The following ATP9A variants were observed in gnomAD, a reference collection of about 807,000 sequenced individuals.
ATP9A encodes the protein ATPase phospholipid transporting 9A.
Under a neutral mutation model 144.1 loss-of-function variants are expected in ATP9A, and 52 were observed. The ratio of observed to expected loss-of-function variants is 0.36; its 90% confidence interval spans 0.29 to 0.45. The LOEUF (loss-of-function observed/expected upper bound fraction) is 0.45. ATP9A is among the 20% of genes least tolerant of loss of function. ATP9A has a pLI of 1.00. For missense variants in ATP9A, 947 were observed against 1,392.7 expected, an observed-to-expected ratio of 0.68 and a Z score of 5.09; for synonymous variants, 582 against 557.4, an observed-to-expected ratio of 1.04 and a Z score of -0.62.
chr20:51,685,945 A>G (rs1231657081), intron 9 of ATP9A, among the ~76,000 whole-genome samples: 1 of 152,240 alleles, frequency 6.6e-6, no homozygotes, highest in Non-Finnish European at 1.5e-5. Flanking sequence ...TATTCACAAT[A>G]GCAAAGACTT....
intron 11 of ATP9A, among the ~76,000 whole-genome samples, chr20:51,673,089 C>A (rs1040664738): frequency 2.0e-5 from 3 of 151,976 alleles, no homozygotes; most frequent in Non-Finnish European, 4.4e-5. Flanking sequence ...CTTTAAAAAA[C>A]CAGGCCAGGT....
Position 51,606,120 on chromosome 20 carries a change from T to C in ATP9A, c.2804-1100A>G, listed in dbSNP as rs565682421. Among the ~76,000 whole-genome samples, 5 of 149,844 alleles carry C rather than the reference T, an allele frequency of 3.3e-5. No individual in the cohort carries two copies. In the East Asian group the frequency reaches 1.0e-3, roughly 31 times the overall value. On this transcript the variant is annotated intron_variant, in intron 26 of 27. Coordinates refer to ENST00000338821, the MANE Select transcript of ATP9A (RefSeq NM_006045.3). ...CCCGCCTCTACTAAAAATACTAAAA[T>C]TAGGTGGGCGCCTGTAATCCCAGTT...
At chr20:51,652,730 T>C (rs2093280762) in intron 14 of ATP9A, among the ~76,000 whole-genome samples, 1 of 152,212 alleles carries the variant, frequency 6.6e-6, no homozygotes, top group Non-Finnish European at 1.5e-5. Flanking sequence ...GGGCTACTTT[T>C]TACTTTTCTG....
intron 15 of ATP9A, among the ~76,000 whole-genome samples, chr20:51,633,143 AAAC>A (rs1211094749): frequency 6.6e-6 from 1 of 152,152 alleles, no homozygotes; most frequent in African/African-American, 2.4e-5. Flanking sequence ...AAACAAAACA[AAAC>A]AAAAAAACTG....
At chr20:51,662,544 C>CAA (rs57342641) in intron 13 of ATP9A, among the ~76,000 whole-genome samples, 2 of 134,454 alleles carry the variant, frequency 1.5e-5, no homozygotes, top group African/African-American at 5.6e-5. Context: ...GACTCTGTCT[C>CAA]AAAAAAAAAA....
intron 9 of ATP9A, among the ~76,000 whole-genome samples, chr20:51,679,078 C>T (rs1601099449): frequency 6.6e-6 from 1 of 151,196 alleles, no homozygotes; most frequent in African/African-American, 2.4e-5. Context: ...AATCCCATCA[C>T]TTTGGGAGGC....
chr20:51,675,423 G>A (rs4811214), intron 10 of ATP9A, among the ~76,000 whole-genome samples: 41,020 of 151,998 alleles, frequency 0.27, 6,571 homozygotes, highest in African/African-American at 0.44. Context: ...GGCCTGCCCC[G>A]TCCTCACTGT....
rs143168993 is a variant in ATP9A, at chr20:51,622,965, C to T, written c.2017-793G>A. On this transcript the variant is annotated intron_variant, in intron 18 of 27. Coordinates refer to ENST00000338821, the MANE Select transcript of ATP9A (RefSeq NM_006045.3). ...GTGTCCACTACGTGCCCAGCACCCACGCTGAGCTCTCTGTTACCTTCATGA... is the reference window on the plus strand; with the variant it reads ...GTGTCCACTACGTGCCCAGCACCCATGCTGAGCTCTCTGTTACCTTCATGA... Among the ~76,000 whole-genome samples, 600 of 152,278 alleles carry T rather than the reference C, an allele frequency of 3.9e-3. 8 individuals carry two copies. The highest frequency in any genetic ancestry group is 0.014 in the African/African-American group (574 of 41,546).
chr20:51,621,726 T>C (rs1044262479), intron 19 of ATP9A, among the ~76,000 whole-genome samples: 2 of 152,118 alleles, frequency 1.3e-5, no homozygotes, highest in African/African-American at 4.8e-5. Context: ...TTCCGTGAAA[T>C]CCCAGGAATC....
rs190373202 is a variant in ATP9A at position 51,603,373 on chromosome 20, G to A, written c.3007+1444C>T. The stretch of plus-strand genomic sequence containing the variant: ...CCCCGTGCGGGGGAAACCAAGATTA[G>A]AGTTCAGAATCTATCCACAGCACAA... On this transcript the variant is annotated intron_variant, in intron 27 of 27. Coordinates refer to ENST00000338821, the MANE Select transcript of ATP9A (RefSeq NM_006045.3). 6.7e-3 allele frequency among the ~76,000 whole-genome samples: 1,024 copies of A among 152,298 alleles called. 6 individuals carry two copies. The highest frequency in any genetic ancestry group is 0.011 in the Non-Finnish European group (758 of 68,024).
At chr20:51,696,464 T>C (rs1421699978) in intron 5 of ATP9A, among the ~76,000 whole-genome samples, 1 of 152,208 alleles carries the variant, frequency 6.6e-6, no homozygotes, top group Non-Finnish European at 1.5e-5. Context: ...CCCAGCTGGC[T>C]CTCTTCCAGG....
chr20:51,606,755 T>C (rs892618754), intron 26 of ATP9A, among the ~76,000 whole-genome samples: 1 of 152,094 alleles, frequency 6.6e-6, no homozygotes, highest in African/African-American at 2.4e-5. Context: ...GGTGTACACC[T>C]GTGGTCCCAG....
rs2077536062 is a variant in ATP9A, at chr20:51,689,103, T to C, written c.760A>G (p.Ile254Val). ...GTGCCAGCCCACAGCGTGTTCTCTA[T>C]GCTCAGGCTCTCGCTGATCGGGGGG... ...SDPPISESLS[I>V]ENTLWAGTVV... Residue 254 changes from isoleucine (I) to valine (V), a missense_variant, in exon 9 of 28, where the codon ATA (isoleucine) becomes GTA (valine). Physicochemically the swap from Ile to Val is conservative, Grantham distance 29. This residue lies in a region of ATP9A where 770 missense variants were observed against 1,047.9 expected (regional missense o/e 0.73). Transcript: ENST00000338821. 1 of 1,614,054 alleles carries C rather than the reference T, an allele frequency of 6.2e-7. No individual in the cohort carries two copies. The highest frequency in any genetic ancestry group is 1.3e-5 in the African/African-American group (1 of 74,932).
intron 27 of ATP9A, among the ~76,000 whole-genome samples, chr20:51,603,655 C>T (rs1035377186): frequency 3.9e-5 from 6 of 152,062 alleles, no homozygotes; most frequent in East Asian, 3.9e-4. Flanking sequence ...CAGTGGCTGA[C>T]GCTGGACAAG....
At chr20:51,610,679 A>C (rs992539997) in intron 23 of ATP9A, among the ~76,000 whole-genome samples, 14 of 152,054 alleles carry the variant, frequency 9.2e-5, no homozygotes, top group Non-Finnish European at 1.8e-4. Context: ...CCACACTTCT[A>C]AACAGCTCGG....
chr20:51,695,676 C>T (rs1219973986), intron 6 of ATP9A, among the ~76,000 whole-genome samples: 1 of 152,134 alleles, frequency 6.6e-6, no homozygotes, highest in East Asian at 1.9e-4. Context: ...GCAGAAAAGA[C>T]GCCCACCTCT....
intron 3 of ATP9A, among the ~76,000 whole-genome samples, chr20:51,719,138 A>G (rs907477139): frequency 6.6e-6 from 1 of 151,454 alleles, no homozygotes; most frequent in South Asian, 2.1e-4. Context: ...AAAAAAAAAA[A>G]AGAGAGAGAG....
intron 27 of ATP9A, among the ~76,000 whole-genome samples, chr20:51,603,710 A>C (rs1056099860): frequency 3.3e-5 from 5 of 152,122 alleles, no homozygotes; most frequent in African/African-American, 1.2e-4. Flanking sequence ...GAAATCTGCC[A>C]CCACCCCACA....
rs181186006 is a variant in ATP9A, at chr20:51,744,389, C to T, written c.69-14411G>A. 9.2e-5 allele frequency among the ~76,000 whole-genome samples: 14 copies of T among 152,252 alleles called. No individual in the cohort carries two copies. The South Asian group carries it at 2.3e-3, about 25-fold the overall frequency. Reference sequence around the variant, plus strand: ...CCATGTTGGCCAGGCTAGTTTCAAACGCCTGACCTCAGGTGATACACCTGC... The same window carrying T: ...CCATGTTGGCCAGGCTAGTTTCAAATGCCTGACCTCAGGTGATACACCTGC... On this transcript the variant is annotated intron_variant, in intron 1 of 27. Coordinates refer to ENST00000338821, the MANE Select transcript of ATP9A (RefSeq NM_006045.3).
Sources: gnomAD v4.1 joint callset for allele counts (sites outside exome capture counted in the v4.1 genomes callset) on GRCh38, gnomAD v4.1.1 for gene constraint, gnomAD v4.1.1 regional missense constraint, MANE v1.5 for transcripts, NCBI Gene and HGNC (gene_info 2026-07-23, HGNC 2026-07-21) for gene names.